Variants in VPS13D observed in about 807,000 individuals in gnomAD.
The protein encoded by VPS13D is intermembrane lipid transfer protein VPS13D.
In VPS13D, 187 loss-of-function variants were observed where a neutral mutation model predicts 461.9. The observed-to-expected ratio is 0.40, with a 90% confidence interval of 0.36 to 0.46. VPS13D has a LOEUF of 0.46. Among genes scored for constraint, VPS13D ranks in the 20% least tolerant of loss-of-function variants. VPS13D has a pLI of 0.60. For missense variants in VPS13D, 4,711 were observed against 5,364.9 expected, an observed-to-expected ratio of 0.88 and a Z score of 3.81; for synonymous variants, 1,951 against 1,986.3, an observed-to-expected ratio of 0.98 and a Z score of 0.47.
chr1:12,245,689 C>T lies in VPS13D; in HGVS notation c.447+1072C>T, dbSNP rs142664536. Reference sequence around the variant, plus strand: ...AGGCTGTAGTGAGCTATAATAGTGCCCCTGCACCCCATTCTGGGCAACAGA... The same window carrying T: ...AGGCTGTAGTGAGCTATAATAGTGCTCCTGCACCCCATTCTGGGCAACAGA... On this transcript the variant is annotated intron_variant, in intron 5 of 69. Coordinates refer to ENST00000620676, the MANE Select transcript of VPS13D (RefSeq NM_015378.4). Among the ~76,000 whole-genome samples the T allele has an allele frequency of 6.5e-3, 985 of 152,192 alleles. 4 individuals carry two copies. The highest frequency in any genetic ancestry group is 9.9e-3 in the Non-Finnish European group (673 of 68,010).
At chr1:12,359,026 C>T (rs1175132477) in intron 50 of VPS13D, among the ~76,000 whole-genome samples, 1 of 152,090 alleles carries the variant, frequency 6.6e-6, no homozygotes, top group Non-Finnish European at 1.5e-5. Flanking sequence ...AGTGACCTGC[C>T]TAGATGCAAA....
chr1:12,377,007 G>C (rs961495979), intron 55 of VPS13D, among the ~76,000 whole-genome samples: 30 of 152,000 alleles, frequency 2.0e-4, no homozygotes, highest in Admixed American at 1.4e-3. Context: ...TATGAGGAGG[G>C]ACATATGTCA....
intron 29 of VPS13D, among the ~76,000 whole-genome samples, chr1:12,313,817 A>G (rs538108654): frequency 6.6e-6 from 1 of 152,322 alleles, no homozygotes; most frequent in East Asian, 1.9e-4. Context: ...CTGATGGGTC[A>G]TGGGAATGAT....
At chr1:12,315,793 A>G (rs1642870546) in intron 30 of VPS13D, among the ~76,000 whole-genome samples, 1 of 151,660 alleles carries the variant, frequency 6.6e-6, no homozygotes, top group South Asian at 2.1e-4. Flanking sequence ...AGAGGCTGGC[A>G]TCTGTTTGTT....
At chr1:12,365,774 A>G (rs1644026698) in intron 52 of VPS13D, among the ~76,000 whole-genome samples, 1 of 152,214 alleles carries the variant, frequency 6.6e-6, no homozygotes, top group African/African-American at 2.4e-5. Context: ...TGCTATTTCA[A>G]CATGTTTAGA....
At chr1:12,267,152 G>T in intron 14 of VPS13D, 141 bp downstream of exon 14, 1 of 907,548 alleles carries the variant, frequency 1.1e-6, no homozygotes, top group South Asian at 3.2e-5. Context: ...TCTTGAAATT[G>T]TTAAAGAGCA....
intron 44 of VPS13D, among the ~76,000 whole-genome samples, chr1:12,347,295 C>G (rs1391376357): frequency 6.6e-6 from 1 of 152,126 alleles, no homozygotes; most frequent in Non-Finnish European, 1.5e-5. Flanking sequence ...CTCAGCCTCC[C>G]AAGTAGCTGG....
rs1643402632 is a variant in VPS13D, at chr1:12,334,474, G to A, written c.8428+1108G>A. On this transcript the variant is annotated intron_variant, in intron 38 of 69. Transcript: ENST00000620676. ...ATGAGTACAGTATATGTCTCTTTAAGAATATCTTCTGGCCGTGCACATTGG... is the reference window on the plus strand; with the variant it reads ...ATGAGTACAGTATATGTCTCTTTAAAAATATCTTCTGGCCGTGCACATTGG... 2.0e-5 allele frequency among the ~76,000 whole-genome samples: 3 copies of A among 152,230 alleles called. 1 individual carries two copies. The South Asian group carries it at 6.2e-4, about 31-fold the overall frequency.
chr1:12,394,572 AG>A (rs1644471056), intron 60 of VPS13D, among the ~76,000 whole-genome samples: 1 of 152,170 alleles, frequency 6.6e-6, no homozygotes, highest in Non-Finnish European at 1.5e-5. Context: ...AAGCAATTAC[AG>A]GGCTCTTCAA....
chr1:12,331,818 C>A (rs1344243023), intron 37 of VPS13D, among the ~76,000 whole-genome samples: 1 of 151,614 alleles, frequency 6.6e-6, no homozygotes, highest in Non-Finnish European at 1.5e-5. Context: ...TTTTCTTAGG[C>A]CAAATATTGC....
At position 12,506,998 on chromosome 1, in the gene VPS13D, A is replaced by G. The variant is rs771121186; in HGVS notation, c.12940A>G (p.Lys4314Glu). Reference protein sequence around the residue: ...YDDLYHCLVSKDHGKVYVQVT... With the variant: ...YDDLYHCLVSEDHGKVYVQVT... Reference sequence around the variant, plus strand: ...TGACCTCTACCACTGCCTTGTCTCCAAAGACCATGGGAAGGTGTATGTGCA... The same window carrying G: ...TGACCTCTACCACTGCCTTGTCTCCGAAGACCATGGGAAGGTGTATGTGCA... Residue 4314 changes from lysine to glutamate, a missense_variant, in exon 69 of 70, where the codon AAA becomes GAA. Physicochemically the swap from Lys to Glu is moderately conservative, Grantham distance 56. Coordinates refer to ENST00000620676, the MANE Select transcript of VPS13D (RefSeq NM_015378.4). 6.2e-7 allele frequency: 1 copy of G among 1,614,268 alleles called. No homozygotes were observed. The highest frequency in any genetic ancestry group is 8.5e-7 in the Non-Finnish European group (1 of 1,180,038).
Position 12,510,956 on chromosome 1 carries a change from G to T in VPS13D, c.*1932G>T, listed in dbSNP as rs1161407269. 1 of 152,212 alleles carries T rather than the reference G, an allele frequency of 6.6e-6. No individual in the cohort carries two copies. The highest frequency in any genetic ancestry group is 1.5e-5 in the Non-Finnish European group (1 of 68,040). The allele number at this position is 152,212 out of a possible 1,614,324, so 9.4% of individuals were successfully genotyped here. On this transcript the variant is annotated 3_prime_UTR_variant, in exon 70 of 70. Coordinates refer to ENST00000620676, the MANE Select transcript of VPS13D (RefSeq NM_015378.4). ...AGACTCTCGGAAGGGTTGATTGTATGCGTCAGTGAGCCTTCTATCACCTTC... is the reference window on the plus strand; with the variant it reads ...AGACTCTCGGAAGGGTTGATTGTATTCGTCAGTGAGCCTTCTATCACCTTC...
In VPS13D at chr1:12,383,134, T is replaced by TG. The variant is rs1377144289; in HGVS notation, c.11351dup (p.Pro3785ThrfsTer3). The TG allele has an allele frequency of 6.2e-7, 1 of 1,613,996 alleles. No homozygotes were observed. The highest frequency in any genetic ancestry group is 1.7e-5 in the Admixed American group (1 of 59,992). On this transcript the variant is annotated frameshift_variant, in exon 58 of 70. Transcript: ENST00000620676. LOFTEE classifies it high-confidence loss of function. ...TGTTATCCATCAGAGTCATCCCAGA[T>TG]GGACCAACTAGAGCACTCCAGGTGA...
rs150512195 is a variant in VPS13D, at chr1:12,335,082, T to C, written c.8429-623T>C. Among the ~76,000 whole-genome samples, 777 of 152,348 alleles carry C rather than the reference T, an allele frequency of 5.1e-3. 2 individuals carry two copies. The highest frequency in any genetic ancestry group is 0.018 in the African/African-American group (749 of 41,586). On this transcript the variant is annotated intron_variant, in intron 38 of 69. Coordinates refer to ENST00000620676, the MANE Select transcript of VPS13D (RefSeq NM_015378.4). ...AATTCTCTCACAGAAGTAAAACTACTTGTGGAGAATTGTCTGCTGAATTTC... is the reference window on the plus strand; with the variant it reads ...AATTCTCTCACAGAAGTAAAACTACCTGTGGAGAATTGTCTGCTGAATTTC...
chr1:12,261,828 G>T, intron 12 of VPS13D, 73 bp from the exon 13 acceptor site: 3 of 1,286,438 alleles, frequency 2.3e-6, no homozygotes, highest in Middle Eastern at 3.9e-4. Flanking sequence ...TCATAACTGT[G>T]ATCAGTCTGC....
At chr1:12,363,807 G>T (rs1315490597) in intron 52 of VPS13D, among the ~76,000 whole-genome samples, 3 of 151,884 alleles carry the variant, frequency 2.0e-5, no homozygotes, top group African/African-American at 7.3e-5. Flanking sequence ...ACAAAAATTA[G>T]CTGGGCGTGG....
chr1:12,451,989 C>T (rs1161006199), intron 65 of VPS13D, among the ~76,000 whole-genome samples: 1 of 152,190 alleles, frequency 6.6e-6, no homozygotes, highest in East Asian at 1.9e-4. Context: ...CAGAGGCCCG[C>T]AAAGGTTACT....
intron 43 of VPS13D, 136 bp from the exon 44 acceptor site, chr1:12,346,469 A>G (rs1228515553): frequency 3.8e-6 from 3 of 782,296 alleles, no homozygotes; most frequent in Non-Finnish European, 6.1e-6. Flanking sequence ...GAGATGTTTT[A>G]TCTTCATAGT....
intron 67 of VPS13D, among the ~76,000 whole-genome samples, chr1:12,483,836 A>G (rs548607919): frequency 1.6e-4 from 25 of 152,198 alleles, no homozygotes; most frequent in African/African-American, 6.0e-4. Flanking sequence ...CGTCTCTACT[A>G]AAAATACAAA....
Sources: gnomAD v4.1 joint callset for allele counts (sites outside exome capture counted in the v4.1 genomes callset) on GRCh38, gnomAD v4.1.1 for gene constraint, MANE v1.5 for transcripts, NCBI Gene and HGNC (gene_info 2026-07-23, HGNC 2026-07-21) for gene names.